Variants in LYN observed in about 807,000 individuals in gnomAD.
The protein encoded by LYN is LYN proto-oncogene, Src family tyrosine kinase, also known as tyrosine-protein kinase Lyn.
A neutral mutation model predicts 65.0 loss-of-function variants in LYN; 12 were observed. That is an observed-to-expected ratio of 0.18 (90% CI 0.12 to 0.30). LYN has a LOEUF of 0.30. LYN is among the 10% of genes least tolerant of loss of function. The pLI is 1.00. For missense variants in LYN, 380 were observed against 623.2 expected, an observed-to-expected ratio of 0.61 and a Z score of 4.16; for synonymous variants, 222 against 221.2, an observed-to-expected ratio of 1.00 and a Z score of -0.03.
intron 10 of LYN, among the ~76,000 whole-genome samples, chr8:55,996,514 C>T (rs896542212): frequency 2.0e-5 from 3 of 152,168 alleles, no homozygotes; most frequent in African/African-American, 7.2e-5. Context: ...ACCAGATAAA[C>T]TACTACTTGG....
At chr8:55,900,411 T>C (rs1364158735) in intron 1 of LYN, among the ~76,000 whole-genome samples, 8 of 152,122 alleles carry the variant, frequency 5.3e-5, no homozygotes. Flanking sequence ...TTCATTGTGT[T>C]GCCCAGGCTG....
chr8:55,927,331 G>T (rs935867564), intron 1 of LYN, among the ~76,000 whole-genome samples: 3 of 152,054 alleles, frequency 2.0e-5, no homozygotes, highest in African/African-American at 7.2e-5. Flanking sequence ...CATACGGTTG[G>T]AATCACACAG....
chr8:55,939,186 T>A (rs1454394019), intron 1 of LYN, among the ~76,000 whole-genome samples: 2 of 152,192 alleles, frequency 1.3e-5, no homozygotes, highest in East Asian at 3.9e-4. Context: ...GGAGGACCTC[T>A]GTTGAGGTTT....
chr8:56,003,283 G>A (rs1488017907), intron 12 of LYN, among the ~76,000 whole-genome samples: 1 of 151,850 alleles, frequency 6.6e-6, no homozygotes, highest in Non-Finnish European at 1.5e-5. Context: ...GAATGGTCTC[G>A]ATCTCCTGAC....
At chr8:55,907,495 G>T (rs529725249) in intron 1 of LYN, among the ~76,000 whole-genome samples, 11 of 152,262 alleles carry the variant, frequency 7.2e-5, no homozygotes, top group African/African-American at 2.6e-4. Context: ...TGGTTACGTG[G>T]GCACATACAT....
chr8:55,999,688 C>T (rs957630865), intron 12 of LYN, 139 bp downstream of exon 12: 47 of 925,216 alleles, frequency 5.1e-5, no homozygotes, highest in African/African-American at 1.7e-5. Flanking sequence ...TTGATTTTCA[C>T]GGGCTGGGCA....
rs1388715124 is a variant in LYN at position 55,947,740 on chromosome 8, A to T, written c.284+17A>T. ...CCTGGAGGAGTAAGTGCTCTCAAGC[A>T]CGCCACGGCTGCTCGTTTCCTCAGG... On this transcript the variant is annotated intron_variant, in intron 4 of 12. Coordinates refer to ENST00000519728, the MANE Select transcript of LYN (RefSeq NM_002350.4). 2 of 1,556,864 alleles carry T rather than the reference A, an allele frequency of 1.3e-6. No individual in the cohort carries two copies. Among genetic ancestry groups the T allele is most frequent in the Non-Finnish European group, 8.9e-7 (1 of 1,128,250 alleles).
intron 8 of LYN, among the ~76,000 whole-genome samples, chr8:55,965,860 C>T (rs1186433540): frequency 1.3e-5 from 2 of 152,110 alleles, no homozygotes; most frequent in African/African-American, 2.4e-5. Flanking sequence ...CACAGTGGCT[C>T]ATGCTTATAA....
At chr8:55,896,509 T>TG (rs1805106408) in intron 1 of LYN, among the ~76,000 whole-genome samples, 1 of 147,292 alleles carries the variant, frequency 6.8e-6, no homozygotes, top group Non-Finnish European at 1.5e-5. Context: ...TGTCGGGGGG[T>TG]GGGGGGCCTA....
chr8:55,899,338 G>A (rs80097288), intron 1 of LYN, among the ~76,000 whole-genome samples: 13 of 152,020 alleles, frequency 8.6e-5, no homozygotes, highest in African/African-American at 1.5e-4. Flanking sequence ...CAAGTCAGCC[G>A]GACCCCTAAA....
chr8:56,011,061 A>G lies in LYN; in HGVS notation c.*951A>G, dbSNP rs904038995. 2 of 231,708 alleles carry G rather than the reference A, an allele frequency of 8.6e-6. No homozygotes were observed. Among genetic ancestry groups the G allele is most frequent in the Non-Finnish European group, 1.7e-5 (2 of 117,190 alleles). 14.4% of individuals were successfully genotyped at this position (231,708 alleles called of 1,614,324 possible). A position where few individuals can be genotyped will look rare whatever the true frequency, so the allele number is the denominator to read the frequency against. On this transcript the variant is annotated 3_prime_UTR_variant, in exon 13 of 13. Transcript: ENST00000519728. ...CAAATATTTGAACATTATGTTAAAGATCAAGTATTAATTTTAGTTGTACTC... is the reference window on the plus strand; with the variant it reads ...CAAATATTTGAACATTATGTTAAAGGTCAAGTATTAATTTTAGTTGTACTC...
intron 2 of LYN, among the ~76,000 whole-genome samples, chr8:55,945,274 G>A (rs1806739931): frequency 1.3e-5 from 2 of 152,174 alleles, no homozygotes; most frequent in Admixed American, 1.3e-4. Flanking sequence ...AAATCAGCTT[G>A]CTGCTTTTAA....
chr8:56,002,244 C>A (rs575589014), intron 12 of LYN, among the ~76,000 whole-genome samples: 1 of 152,042 alleles, frequency 6.6e-6, no homozygotes, highest in African/African-American at 2.4e-5. Flanking sequence ...ATGGTGAAAC[C>A]CCATCTCTAC....
At chr8:55,940,946 G>A (rs1439478647) in intron 1 of LYN, among the ~76,000 whole-genome samples, 1 of 152,086 alleles carries the variant, frequency 6.6e-6, no homozygotes, top group Non-Finnish European at 1.5e-5. Context: ...TTTTACCTGC[G>A]CTAGTACTCC....
chr8:55,967,008 T>A, intron 9 of LYN, 111 bp downstream of exon 9: 1 of 965,664 alleles, frequency 1.0e-6, no homozygotes, highest in East Asian at 2.7e-5. Flanking sequence ...GTATACCCAC[T>A]ACCGAAAAAT....
At chr8:55,918,269 C>T (rs529033376) in intron 1 of LYN, among the ~76,000 whole-genome samples, 3 of 152,312 alleles carry the variant, frequency 2.0e-5, no homozygotes, top group South Asian at 2.1e-4. Flanking sequence ...CCACCCCATT[C>T]CTCCCTCTCC....
chr8:55,950,641 T>C (rs1482756837), intron 5 of LYN, 40 bp from the exon 6 acceptor site: 1 of 1,578,034 alleles, frequency 6.3e-7, no homozygotes, highest in Admixed American at 1.7e-5. Flanking sequence ...TTTCTTGCCG[T>C]GGAACATAAT....
chr8:55,946,122 T>C (rs571287494), intron 2 of LYN, among the ~76,000 whole-genome samples: 8 of 152,316 alleles, frequency 5.3e-5, no homozygotes, highest in East Asian at 1.9e-4. Flanking sequence ...AGCACACTCA[T>C]TGAGCTGGGC....
intron 8 of LYN, among the ~76,000 whole-genome samples, chr8:55,959,941 T>C: frequency 6.6e-6 from 1 of 152,220 alleles, no homozygotes; most frequent in East Asian, 1.9e-4. Flanking sequence ...ACTGTTCCAT[T>C]TATATGAAAT....
Sources: allele counts gnomAD v4.1 joint callset (sites outside exome capture counted in the v4.1 genomes callset), GRCh38; gene constraint gnomAD v4.1.1; transcripts MANE v1.5; gene names NCBI Gene and HGNC (gene_info 2026-07-23, HGNC 2026-07-21).